The following ATRNL1 variants were observed in gnomAD, a reference collection of about 807,000 sequenced individuals.
The protein encoded by ATRNL1 is attractin like 1, also known as attractin-like protein 1.
ATRNL1 carries 95 observed loss-of-function variants against 182.7 expected under a neutral mutation model. The ratio of observed to expected loss-of-function variants is 0.52; its 90% confidence interval spans 0.44 to 0.62. The LOEUF is 0.62. Among genes scored for constraint, ATRNL1 ranks in the 20% least tolerant of loss-of-function variants. The pLI is 0.00. For missense variants in ATRNL1, 1,471 were observed against 1,679.5 expected, an observed-to-expected ratio of 0.88 and a Z score of 2.17; for synonymous variants, 576 against 568.3, an observed-to-expected ratio of 1.01 and a Z score of -0.19.
intron 27 of ATRNL1, among the ~76,000 whole-genome samples, chr10:115,751,463 A>G (rs185745901): frequency 6.6e-6 from 1 of 152,144 alleles, no homozygotes; most frequent in Admixed American, 6.6e-5. Flanking sequence ...GAAAACAGGC[A>G]CTTTCATTTA....
At chr10:115,272,091 T>C (rs1554913322) in intron 13 of ATRNL1, among the ~76,000 whole-genome samples, 1 of 152,216 alleles carries the variant, frequency 6.6e-6, no homozygotes, top group Non-Finnish European at 1.5e-5. Flanking sequence ...CCTTCTGCAA[T>C]GAGTAAAAGT....
chr10:115,225,387 C>T (rs1343170878), intron 9 of ATRNL1, among the ~76,000 whole-genome samples: 1 of 150,972 alleles, frequency 6.6e-6, no homozygotes, highest in East Asian at 1.9e-4. Context: ...AGCTTTCCCT[C>T]TAAGATTGGG....
intron 28 of ATRNL1, among the ~76,000 whole-genome samples, chr10:115,924,746 C>G (rs1005088112): frequency 6.6e-6 from 1 of 152,124 alleles, no homozygotes; most frequent in Non-Finnish European, 1.5e-5. Flanking sequence ...TTCTTTGATT[C>G]CATGTGAAAT....
At chr10:115,861,914 G>A (rs1283156695) in intron 28 of ATRNL1, among the ~76,000 whole-genome samples, 6 of 151,852 alleles carry the variant, frequency 4.0e-5, no homozygotes, top group Admixed American at 3.9e-4. Flanking sequence ...GACAAACCCA[G>A]GCAACATAGT....
intron 24 of ATRNL1, among the ~76,000 whole-genome samples, chr10:115,473,588 C>T (rs1489106193): frequency 2.6e-5 from 4 of 151,234 alleles, no homozygotes; most frequent in Non-Finnish European, 4.4e-5. Context: ...GCTTGCCTTA[C>T]AGCATAAGTT....
chr10:115,448,891 C>G (rs1177499946), intron 21 of ATRNL1, among the ~76,000 whole-genome samples: 5 of 151,718 alleles, frequency 3.3e-5, no homozygotes, highest in African/African-American at 1.2e-4. Flanking sequence ...ACAACAACAA[C>G]AAGCATAGGT....
At chr10:115,537,368 G>A (rs12360040) in intron 25 of ATRNL1, among the ~76,000 whole-genome samples, 1 of 151,922 alleles carries the variant, frequency 6.6e-6, no homozygotes, top group Non-Finnish European at 1.5e-5. Context: ...ACTGTACTGG[G>A]AAACAGTCTC....
chr10:115,898,263 A>G (rs1555112954), intron 28 of ATRNL1, among the ~76,000 whole-genome samples: 2 of 152,202 alleles, frequency 1.3e-5, no homozygotes, highest in Admixed American at 1.3e-4. Context: ...GTATGTATGC[A>G]TGTGAATTGT....
chr10:115,303,634 C>T (rs1161367672), intron 17 of ATRNL1, among the ~76,000 whole-genome samples: 1 of 152,180 alleles, frequency 6.6e-6, no homozygotes, highest in Non-Finnish European at 1.5e-5. Context: ...GCTTCTTTTT[C>T]AGTTCCCTTC....
intron 26 of ATRNL1, among the ~76,000 whole-genome samples, chr10:115,561,476 T>C (rs1853702930): frequency 6.6e-6 from 1 of 152,176 alleles, no homozygotes; most frequent in Non-Finnish European, 1.5e-5. Context: ...AAATACATTA[T>C]AACAACTATT....
intron 21 of ATRNL1, among the ~76,000 whole-genome samples, chr10:115,430,540 G>T (rs1437050936): frequency 6.6e-6 from 1 of 152,038 alleles, no homozygotes; most frequent in African/African-American, 2.4e-5. Flanking sequence ...GGCTGCATGT[G>T]CTGCCTGTTA....
intron 26 of ATRNL1, among the ~76,000 whole-genome samples, chr10:115,685,471 G>C (rs1355877602): frequency 1.3e-5 from 2 of 151,682 alleles, no homozygotes; most frequent in African/African-American, 4.8e-5. Flanking sequence ...CATATAATAA[G>C]TATTCCATAA....
At chr10:115,535,329 A>C (rs1478250333) in intron 25 of ATRNL1, among the ~76,000 whole-genome samples, 1 of 151,374 alleles carries the variant, frequency 6.6e-6, no homozygotes, top group Non-Finnish European at 1.5e-5. Context: ...TTTTCTCTAA[A>C]CTTCCCTTCT....
At chr10:115,646,636 T>A (rs1375500742) in intron 26 of ATRNL1, among the ~76,000 whole-genome samples, 2 of 151,802 alleles carry the variant, frequency 1.3e-5, no homozygotes, top group African/African-American at 2.4e-5. Context: ...TTTTCTTTTT[T>A]TTTTTTATGA....
At chr10:115,231,516 C>T (rs1849950924) in intron 9 of ATRNL1, among the ~76,000 whole-genome samples, 1 of 151,874 alleles carries the variant, frequency 6.6e-6, no homozygotes, top group African/African-American at 2.4e-5. Flanking sequence ...GGATGTGGGA[C>T]AAGATATATA....
intron 17 of ATRNL1, among the ~76,000 whole-genome samples, chr10:115,307,546 G>A (rs1038192222): frequency 3.3e-5 from 5 of 152,160 alleles, no homozygotes; most frequent in Non-Finnish European, 7.3e-5. Context: ...ACAGGTGTGA[G>A]CTACTGCGCC....
chr10:115,923,948 G>A (rs782767892), intron 28 of ATRNL1, among the ~76,000 whole-genome samples: 46 of 152,084 alleles, frequency 3.0e-4, no homozygotes, highest in Non-Finnish European at 6.2e-4. Context: ...TCACCATTCT[G>A]ACTGGTGTGA....
At chr10:115,271,628 T>G (rs1851871624) in intron 13 of ATRNL1, among the ~76,000 whole-genome samples, 1 of 152,196 alleles carries the variant, frequency 6.6e-6, no homozygotes, top group Non-Finnish European at 1.5e-5. Context: ...CAGATATCCA[T>G]CAATGATAGA....
chr10:115,909,639 A>G (rs1271582155), intron 28 of ATRNL1: 1 of 104,144 alleles, frequency 9.6e-6, no homozygotes, highest in African/African-American at 2.8e-5. Context: ...AAAAAAAAAA[A>G]AAAAAAGACG....
Sources: gnomAD v4.1 joint callset for allele counts (sites outside exome capture counted in the v4.1 genomes callset) on GRCh38, gnomAD v4.1.1 for gene constraint, MANE v1.5 for transcripts, NCBI Gene and HGNC (gene_info 2026-07-23, HGNC 2026-07-21) for gene names.